PRELID2: variants seen among roughly 807,000 people sequenced by gnomAD.
The protein encoded by PRELID2 is PRELI domain-containing protein 2.
A neutral mutation model predicts 28.4 loss-of-function variants in PRELID2; 25 were observed. The ratio of observed to expected loss-of-function variants is 0.88; its 90% confidence interval spans 0.64 to 1.23. PRELID2 has a LOEUF of 1.23. Among genes scored for constraint, PRELID2 ranks in the 50% most tolerant of loss-of-function variants. PRELID2 has a pLI of 0.00. For missense variants in PRELID2, 201 were observed against 214.4 expected (o/e 0.94, Z 0.39); for synonymous variants, 76 against 71.6 (o/e 1.06, Z -0.31).
At chr5:145,331,821 G>C in the PRELID2 span, among the ~76,000 whole-genome samples, 1 of 152,150 alleles carries the variant, frequency 6.6e-6, no homozygotes, top group Non-Finnish European at 1.5e-5. Context: ...TATGATGCTA[G>C]CTGGTTATTT....
chr5:145,276,213 T>C, the PRELID2 span, among the ~76,000 whole-genome samples: 13 of 152,268 alleles, frequency 8.5e-5, no homozygotes, highest in South Asian at 2.5e-3. Context: ...TTTTAAGCAA[T>C]TGATGGAAGC....
At chr5:145,587,536 T>A (rs868821387) in intron 1 of PRELID2, among the ~76,000 whole-genome samples, 6 of 152,094 alleles carry the variant, frequency 3.9e-5, no homozygotes, top group Admixed American at 6.6e-5. Context: ...CTAAAATATA[T>A]CTTTGGGGGC....
chr5:145,493,980 T>G (rs1233843994), intron 1 of PRELID2, among the ~76,000 whole-genome samples: 9 of 152,222 alleles, frequency 5.9e-5, no homozygotes, highest in Non-Finnish European at 1.2e-4. Context: ...ATGTTTTAAT[T>G]CTTTTAAAAC....
intron 1 of PRELID2, among the ~76,000 whole-genome samples, chr5:145,519,330 G>C (rs1489371294): frequency 6.6e-6 from 1 of 152,118 alleles, no homozygotes; most frequent in African/African-American, 2.4e-5. Flanking sequence ...AATAATTGCT[G>C]TGTTAGACAC....
intron 1 of PRELID2, among the ~76,000 whole-genome samples, chr5:145,530,673 T>C (rs1752648005): frequency 6.6e-6 from 1 of 152,042 alleles, no homozygotes; most frequent in South Asian, 2.1e-4. Flanking sequence ...AAATCAGGAC[T>C]TTTTCTTGTC....
At chr5:145,738,684 T>C (rs970216580) in intron 1 of PRELID2, among the ~76,000 whole-genome samples, 1 of 152,076 alleles carries the variant, frequency 6.6e-6, no homozygotes, top group Non-Finnish European at 1.5e-5. Flanking sequence ...AGCTTCAAGA[T>C]ATGTGGGACT....
intron 1 of PRELID2, among the ~76,000 whole-genome samples, chr5:145,740,634 T>TAA (rs1477025031): frequency 1.8e-5 from 2 of 111,408 alleles, no homozygotes; most frequent in East Asian, 2.6e-4. Flanking sequence ...ATATTATATA[T>TAA]ATAAATATAT....
chr5:145,291,426 T>C, the PRELID2 span, among the ~76,000 whole-genome samples: 1 of 139,064 alleles, frequency 7.2e-6, no homozygotes, highest in Non-Finnish European at 1.5e-5. Context: ...GAGATTGGAG[T>C]GATGTATCTA....
At chr5:145,740,292 A>ATATATATATT (rs1756626748) in intron 1 of PRELID2, among the ~76,000 whole-genome samples, 1 of 91,468 alleles carries the variant, frequency 1.1e-5, no homozygotes, top group African/African-American at 4.6e-5. Flanking sequence ...ATATATATAT[A>ATATATATATT]TATATATATA....
intron 3 of PRELID2, 117 bp downstream of exon 3, chr5:145,819,828 G>C (rs1176521434): frequency 1.3e-6 from 1 of 749,036 alleles, no homozygotes; most frequent in Non-Finnish European, 2.3e-6. Flanking sequence ...AAGGTTCTGA[G>C]GTAAAAGGAG....
chr5:145,371,851 T>C, the PRELID2 span, among the ~76,000 whole-genome samples: 1 of 150,132 alleles, frequency 6.7e-6, no homozygotes, highest in Non-Finnish European at 1.5e-5. Flanking sequence ...TCTTTTCTTC[T>C]TTATTAGTCT....
chr5:145,285,335 C>T, the PRELID2 span, among the ~76,000 whole-genome samples: 13 of 152,032 alleles, frequency 8.6e-5, no homozygotes, highest in African/African-American at 3.1e-4. Flanking sequence ...TGAGGTTATC[C>T]TAAAGATAGC....
Position 145,557,944 on chromosome 5 carries a change from A to C in PRELID2, n.71-84629T>G, listed in dbSNP as rs114168806. Among the ~76,000 whole-genome samples, 1,450 of 152,360 alleles carry C rather than the reference A, an allele frequency of 9.5e-3. 8 individuals are homozygous for C. The highest frequency in any genetic ancestry group is 0.013 in the African/African-American group (528 of 41,592). ...TTGGCTACAAAACGAGATCAGAAAA[A>C]CAGTCTGTGAGAACAAAAGTAAGAT... On this transcript the variant is annotated intron_variant and non_coding_transcript_variant, in intron 1 of 2. Transcript: ENST00000510259.
intron 1 of PRELID2, among the ~76,000 whole-genome samples, chr5:145,524,877 G>A (rs185822828): frequency 5.5e-4 from 84 of 152,208 alleles, no homozygotes; most frequent in African/African-American, 2.0e-3. Flanking sequence ...CTATCTCACG[G>A]GTTTACTGTG....
intron 6 of PRELID2, among the ~76,000 whole-genome samples, chr5:145,760,989 A>G (rs1255106105): frequency 6.6e-6 from 1 of 152,202 alleles, no homozygotes; most frequent in Admixed American, 6.5e-5. Flanking sequence ...CATGACAAAA[A>G]TCACCTTCTA....
intron 1 of PRELID2, among the ~76,000 whole-genome samples, chr5:145,672,673 CAAGT>C (rs1240334420): frequency 1.3e-5 from 2 of 151,994 alleles, no homozygotes; most frequent in Admixed American, 6.6e-5. Context: ...AAATTAGAAA[CAAGT>C]AACAACTTCA....
the PRELID2 span, among the ~76,000 whole-genome samples, chr5:145,419,677 G>T: frequency 6.6e-6 from 1 of 152,060 alleles, no homozygotes; most frequent in South Asian, 2.1e-4. Context: ...CCACATTGTA[G>T]GTTGCCTGTT....
chr5:145,333,488 G>C, the PRELID2 span, among the ~76,000 whole-genome samples: 1 of 152,186 alleles, frequency 6.6e-6, no homozygotes, highest in African/African-American at 2.4e-5. Flanking sequence ...GGAATCTAGA[G>C]AGGCAGTCTG....
At chr5:145,327,608 T>C in the PRELID2 span, among the ~76,000 whole-genome samples, 1 of 152,112 alleles carries the variant, frequency 6.6e-6, no homozygotes, top group Non-Finnish European at 1.5e-5. Context: ...TCAATTAAAG[T>C]AATTATTGAT....
Sources: allele counts gnomAD v4.1 joint callset (sites outside exome capture counted in the v4.1 genomes callset), GRCh38; gene constraint gnomAD v4.1.1; transcripts MANE v1.5; gene names NCBI Gene and HGNC (gene_info 2026-07-23, HGNC 2026-07-21).